The following GRIA2 variants were observed in gnomAD, a reference collection of about 807,000 sequenced individuals.
GRIA2 encodes glutamate receptor 2.
Under a neutral mutation model 97.3 loss-of-function variants are expected in GRIA2, and 14 were observed. The observed-to-expected ratio is 0.14, with a 90% CI of 0.10 to 0.23. The LOEUF is 0.23. Among genes scored for constraint, GRIA2 ranks in the 10% least tolerant of loss-of-function variants. The pLI is 1.00. For missense variants in GRIA2, 558 were observed against 1,069.8 expected (o/e 0.52, Z 6.67); for synonymous variants, 412 against 387.8 (o/e 1.06, Z -0.73).
At chr4:157,252,222 T>C (rs1731050083) in intron 2 of GRIA2, among the ~76,000 whole-genome samples, 1 of 152,146 alleles carries the variant, frequency 6.6e-6, no homozygotes, top group South Asian at 2.1e-4. Flanking sequence ...AGTTCTTAAC[T>C]GTCACATGGA....
At position 157,220,899 on chromosome 4, in the gene GRIA2, C is replaced by T. The variant is rs576585960; in HGVS notation, c.-144C>T. The T allele has an allele frequency of 6.3e-6, 4 of 636,840 alleles. No homozygotes were observed. Among genetic ancestry groups the T allele is most frequent in the African/African-American group, 1.8e-5 (1 of 54,674 alleles). 39.4% of individuals were successfully genotyped at this position (636,840 alleles called of 1,614,324 possible). A position where few individuals can be genotyped will look rare whatever the true frequency, so the allele number is the denominator to read the frequency against. On this transcript the variant is annotated 5_prime_UTR_variant, in exon 1 of 16. Transcript: ENST00000264426. ...CTGGGAAATAGGGATTCTTCTGCCT[C>T]CACTTCAGGTTTTAGCAGCTTGGTG...
At chr4:157,239,778 T>A (rs1460018560) in intron 2 of GRIA2, among the ~76,000 whole-genome samples, 1 of 151,998 alleles carries the variant, frequency 6.6e-6, no homozygotes, top group East Asian at 1.9e-4. Flanking sequence ...TAGGTGACTA[T>A]TATTCAATGC....
intron 11 of GRIA2, among the ~76,000 whole-genome samples, chr4:157,340,752 A>T (rs1369709080): frequency 1.3e-5 from 2 of 151,980 alleles, no homozygotes; most frequent in Admixed American, 1.3e-4. Context: ...TACATACACA[A>T]AATTAACAAA....
intron 2 of GRIA2, among the ~76,000 whole-genome samples, chr4:157,264,781 A>G (rs772157558): frequency 5.9e-5 from 9 of 152,116 alleles, no homozygotes; most frequent in Non-Finnish European, 1.3e-4. Context: ...CAGAAGAGCT[A>G]TTCACTTTCT....
chr4:157,320,326 C>T (rs567401922), intron 5 of GRIA2, among the ~76,000 whole-genome samples: 1 of 151,948 alleles, frequency 6.6e-6, no homozygotes, highest in East Asian at 1.9e-4. Flanking sequence ...ATGTGGGATA[C>T]ACAAAAACTC....
chr4:157,322,386 G>T (rs1579362279), intron 6 of GRIA2, among the ~76,000 whole-genome samples: 2 of 152,088 alleles, frequency 1.3e-5, no homozygotes, highest in Middle Eastern at 3.4e-3. Context: ...AATGCTTTAT[G>T]CAATCAAACA....
At chr4:157,350,676 C>A (rs1343367107) in intron 12 of GRIA2, among the ~76,000 whole-genome samples, 1 of 151,808 alleles carries the variant, frequency 6.6e-6, no homozygotes, top group Non-Finnish European at 1.5e-5. Context: ...TATATATCCT[C>A]CCTGGCCTTT....
In GRIA2 at chr4:157,248,811, TATAA is replaced by T. The variant is rs1212024987; in HGVS notation, c.229+27010_229+27013del. Among the ~76,000 whole-genome samples the T allele has an allele frequency of 8.6e-4, 84 of 98,090 alleles. 1 individual carries two copies. Among genetic ancestry groups the T allele is most frequent in the African/African-American group, 2.9e-3 (76 of 26,286 alleles). The allele number at this position is 98,090 out of a possible 152,430, so 64.4% of individuals were successfully genotyped here. On this transcript the variant is annotated intron_variant, in intron 2 of 15. Coordinates refer to ENST00000264426, the MANE Select transcript of GRIA2 (RefSeq NM_001083619.3). The stretch of plus-strand genomic sequence containing the variant: ...ATATATATATATATATATATATATA[TATAA>T]ATAAAATAATTCTTTTTTTATTTAA...
chr4:157,275,656 C>T (rs541039871), intron 2 of GRIA2, among the ~76,000 whole-genome samples: 5 of 151,918 alleles, frequency 3.3e-5, no homozygotes, highest in African/African-American at 7.2e-5. Context: ...TTTTGTCAGG[C>T]TTGTCAAAGA....
At chr4:157,277,772 C>T (rs1023081257) in intron 2 of GRIA2, among the ~76,000 whole-genome samples, 19 of 147,672 alleles carry the variant, frequency 1.3e-4, no homozygotes, top group African/African-American at 4.2e-4. Context: ...CAACCCCCCA[C>T]GAAATGAAAT....
chr4:157,264,260 C>A (rs896738993), intron 2 of GRIA2, among the ~76,000 whole-genome samples: 1 of 152,044 alleles, frequency 6.6e-6, no homozygotes, highest in African/African-American at 2.4e-5. Context: ...TGAAATTAGT[C>A]TCAGTGGGCT....
At chr4:157,260,512 G>A (rs1286703708) in intron 2 of GRIA2, among the ~76,000 whole-genome samples, 2 of 151,986 alleles carry the variant, frequency 1.3e-5, no homozygotes, top group South Asian at 2.1e-4. Flanking sequence ...CACCATGAAC[G>A]AGGAAGTGAA....
intron 2 of GRIA2, among the ~76,000 whole-genome samples, chr4:157,245,334 GA>G (rs1386990161): frequency 4.0e-5 from 6 of 151,726 alleles, no homozygotes; most frequent in African/African-American, 1.2e-4. Context: ...CTTGCTTGTG[GA>G]AAAAAAATAC....
intron 6 of GRIA2, among the ~76,000 whole-genome samples, chr4:157,322,191 G>T (rs1734600100): frequency 6.6e-6 from 1 of 151,202 alleles, no homozygotes; most frequent in Admixed American, 6.6e-5. Flanking sequence ...TAAACGTATG[G>T]CCACAAAGAG....
intron 12 of GRIA2, among the ~76,000 whole-genome samples, chr4:157,359,574 A>G (rs1736545765): frequency 6.6e-6 from 1 of 152,134 alleles, no homozygotes; most frequent in South Asian, 2.1e-4. Context: ...GTTGTCTCCT[A>G]ATTTGAATTA....
chr4:157,337,446 C>G (rs1047617653), intron 11 of GRIA2, among the ~76,000 whole-genome samples: 4 of 151,884 alleles, frequency 2.6e-5, no homozygotes, highest in Non-Finnish European at 5.9e-5. Context: ...ACAAAGTACC[C>G]ATTGATTTTA....
At chr4:157,293,364 A>G (rs115923796) in intron 2 of GRIA2, among the ~76,000 whole-genome samples, 1,628 of 152,278 alleles carry the variant, frequency 0.011, 22 homozygotes, top group African/African-American at 0.036. Flanking sequence ...GGAATATCAT[A>G]CAATGGTTTA....
chr4:157,256,238 A>ATAATATTATATAT (rs1221262781), intron 2 of GRIA2, among the ~76,000 whole-genome samples: 1 of 82,856 alleles, frequency 1.2e-5, no homozygotes, highest in Non-Finnish European at 2.4e-5. Context: ...TATATAATAT[A>ATAATATTATATAT]TATATATAAT....
intron 12 of GRIA2, among the ~76,000 whole-genome samples, chr4:157,349,470 CCCTT>C (rs563118474): frequency 9.5e-4 from 133 of 139,718 alleles, no homozygotes; most frequent in Middle Eastern, 3.5e-3. Flanking sequence ...CCTCCCCCCA[CCCTT>C]CCTTCCTTCC....
Sources: gnomAD v4.1 joint callset for allele counts (sites outside exome capture counted in the v4.1 genomes callset) on GRCh38, gnomAD v4.1.1 for gene constraint, MANE v1.5 for transcripts, NCBI Gene and HGNC (gene_info 2026-07-23, HGNC 2026-07-21) for gene names.